ZFR2: variants seen among roughly 807,000 people sequenced by gnomAD.
ZFR2 encodes the protein zinc finger RNA-binding protein 2.
A neutral mutation model predicts 105.7 loss-of-function variants in ZFR2; 104 were observed. The ratio of observed to expected loss-of-function variants is 0.98; its 90% CI spans 0.84 to 1.16. The LOEUF (loss-of-function observed/expected upper bound fraction) is 1.16, where lower values mean the gene tolerates loss of function less well. Among genes scored for constraint, ZFR2 ranks in the 50% most tolerant of loss-of-function variants. ZFR2 has a pLI of 0.00. For missense variants in ZFR2, 1,425 were observed against 1,355.5 expected, an observed-to-expected ratio of 1.05 and a Z score of -0.80; for synonymous variants, 634 against 597.7, an observed-to-expected ratio of 1.06 and a Z score of -0.89.
chr19:3,857,984 C>T lies in ZFR2; in HGVS notation c.53+10981G>A, dbSNP rs544265387. Among the ~76,000 whole-genome samples the T allele has an allele frequency of 3.3e-5, 5 of 152,336 alleles. No individual in the cohort carries two copies. The South Asian group carries it at 8.3e-4, about 25-fold the overall frequency. On this transcript the variant is annotated intron_variant, in intron 1 of 18. Coordinates refer to ENST00000262961, the MANE Select transcript of ZFR2 (RefSeq NM_015174.2). ...GTCTACAAGTCCTGCCCGGCACTCC[C>T]ACCTTCAGGCCCCAGGCTAATGTCT...
intron 12 of ZFR2, among the ~76,000 whole-genome samples, chr19:3,817,963 G>A (rs1430025323): frequency 6.6e-6 from 1 of 152,150 alleles, no homozygotes; most frequent in Admixed American, 6.5e-5. Flanking sequence ...GTCCAGCACA[G>A]GCCAATCCAC....
chr19:3,832,347 G>T (rs1470408079), intron 3 of ZFR2, among the ~76,000 whole-genome samples: 4 of 151,128 alleles, frequency 2.6e-5, no homozygotes, highest in African/African-American at 9.7e-5. Context: ...TTTTGAGTCG[G>T]AGTCTTGCTT....
Position 3,831,352 on chromosome 19 carries a change from A to G in ZFR2, c.803T>C (p.Leu268Pro). Residue 268 changes from leucine (L) to proline (P), a missense_variant, in exon 5 of 19, where the codon CTC becomes CCC. Coordinates refer to ENST00000262961, the MANE Select transcript of ZFR2 (RefSeq NM_015174.2). ...GCAGATGTCGCAGTAGTGAAGCTGG[A>G]GCTGCCTGGGCCCCGCCTTGGGTCT... ...LPRPKAGPRQ[L>P]QLHYCDICKI... 6.4e-7 allele frequency: 1 copy of G among 1,557,812 alleles called. No homozygotes were observed. The highest frequency in any genetic ancestry group is 1.2e-5 in the South Asian group (1 of 84,746).
In ZFR2 at chr19:3,813,871, T is replaced by G; in HGVS notation, c.2191A>C (p.Thr731Pro). 6.2e-7 allele frequency: 1 copy of G among 1,613,900 alleles called. No individual in the cohort carries two copies. Among genetic ancestry groups the G allele is most frequent in the East Asian group, 2.2e-5 (1 of 44,876 alleles). Residue 731 changes from threonine (T) to proline (P), a missense_variant, in exon 14 of 19, where the codon ACC becomes CCC. Thr to Pro is a conservative substitution (Grantham distance 38, BLOSUM62 -1). Transcript: ENST00000262961. The surrounding 1 kb of genome is among the most constrained non-coding windows in gnomAD (Gnocchi z 4.4). ...ATCAGAGGTGAGGTGACAGATATGG[T>G]GACCTGCATCCTGGGCTCCTCACAG... is the stretch of plus-strand genomic sequence containing the variant. ...SSCEEPRMQV[T>P]ISVTSPLMRE...
chr19:3,844,760 A>G (rs752829389), intron 1 of ZFR2, among the ~76,000 whole-genome samples: 12 of 152,180 alleles, frequency 7.9e-5, no homozygotes, highest in Non-Finnish European at 8.8e-5. Flanking sequence ...TGAATCCTTT[A>G]GATGAGTCAG....
At chr19:3,833,373 G>T (rs549597742) in intron 3 of ZFR2, among the ~76,000 whole-genome samples, 13 of 152,074 alleles carry the variant, frequency 8.5e-5, no homozygotes, top group African/African-American at 2.9e-4. Context: ...TCAGGAGATG[G>T]AGACCATCCT....
chr19:3,820,304 A>C lies in ZFR2; in HGVS notation c.1632-14T>G, dbSNP rs931950766. On this transcript the variant is annotated splice_polypyrimidine_tract_variant and intron_variant, in intron 10 of 18. Transcript: ENST00000262961. ...TCCTCCAGCCGCCTGCAGGACCGAG[A>C]CGTGACAGAGCATGGTCAGGCCAGC... 10 of 1,539,930 alleles carry C rather than the reference A, an allele frequency of 6.5e-6. No homozygotes were observed. In the African/African-American group the frequency reaches 1.4e-4, roughly 21 times the overall value.
In ZFR2 at chr19:3,819,218, C is replaced by T. The variant is rs769565212; in HGVS notation, c.1758G>A (p.Ala586=). The T allele has an allele frequency of 3.9e-5, 60 of 1,547,078 alleles. 1 individual carries two copies. Among genetic ancestry groups the T allele is most frequent in the Middle Eastern group, 4.1e-4 (2 of 4,898 alleles). ...ACATGACGTGCCGGTCGTCGCTGGA[C>T]GCCGGCCGCCGCCCGGGCTGTGGGG... ...SAPLQPGRRP[A]SSDDRHVMCK... Residue 586 remains alanine (A), a synonymous_variant, in exon 12 of 19, where the codon GCG becomes GCA. Coordinates refer to ENST00000262961, the MANE Select transcript of ZFR2 (RefSeq NM_015174.2).
At chr19:3,833,365 A>G (rs1263789350) in intron 3 of ZFR2, among the ~76,000 whole-genome samples, 2 of 152,196 alleles carry the variant, frequency 1.3e-5, no homozygotes, top group East Asian at 3.9e-4. Context: ...TCACGAGGTC[A>G]GGAGATGGAG....
chr19:3,806,040 C>G lies in ZFR2; in HGVS notation c.2729G>C (p.Arg910Pro), dbSNP rs1460771485. ...AGGTCCCCGTTGCCTCTTCCGGAAG[C>G]GGGCCCCCAGCCGGTGTCTGGGCGG... ...LLPPRHRLGA[R>P]FRKRQRGPGE... The change falls in exon 19 of 19, where the codon CGC (arginine) becomes CCC (proline). Residue 910 changes from arginine to proline, a missense_variant. By Grantham distance (103) the Arg-to-Pro change is moderately radical. Transcript: ENST00000262961. 6.5e-7 allele frequency: 1 copy of G among 1,539,512 alleles called. No homozygotes were observed. Among genetic ancestry groups the G allele is most frequent in the Non-Finnish European group, 8.7e-7 (1 of 1,143,748 alleles).
chr19:3,819,118 C>A lies in ZFR2; in HGVS notation c.1858G>T (p.Ala620Ser). The change falls in exon 12 of 19, where the codon GCC (alanine) becomes TCC (serine). Residue 620 changes from alanine (A) to serine (S), a missense_variant. Physicochemically the swap from Ala to Ser is moderately conservative, Grantham distance 99 (BLOSUM62 1). Transcript: ENST00000262961. ...AGTGTGTCGGACACCAGCTTGAGGG[C>A]CCGCTCTGCGTGGGACACGGCCCTC... ...VQRAVSHAERALKLVSDTLAE... is the reference protein window; with the variant it reads ...VQRAVSHAERSLKLVSDTLAE... The A allele has an allele frequency of 1.2e-6, 2 of 1,611,798 alleles. No homozygotes were observed. Among genetic ancestry groups the A allele is most frequent in the African/African-American group, 1.3e-5 (1 of 75,056 alleles).
intron 7 of ZFR2, 87 bp downstream of exon 7, chr19:3,825,143 C>T (rs1178990016): frequency 6.5e-6 from 9 of 1,374,080 alleles, no homozygotes; most frequent in African/African-American, 3.0e-5. Flanking sequence ...TGACGAAAAT[C>T]GACTGGATGG....
intron 17 of ZFR2, among the ~76,000 whole-genome samples, chr19:3,808,474 G>T (rs139568223): frequency 1.3e-5 from 2 of 152,132 alleles, no homozygotes; most frequent in African/African-American, 4.8e-5. Context: ...GCAGCTCTGC[G>T]CCCTCTGTCC....
At chr19:3,809,991 C>T (rs10414117) in intron 16 of ZFR2, among the ~76,000 whole-genome samples, 10,994 of 152,154 alleles carry the variant, frequency 0.072, 1,193 homozygotes, top group African/African-American at 0.24. Context: ...TAATCTCTAC[C>T]AAACCAAACA....
chr19:3,808,246 C>G (rs1472026944), intron 17 of ZFR2, among the ~76,000 whole-genome samples: 1 of 151,918 alleles, frequency 6.6e-6, no homozygotes, highest in Non-Finnish European at 1.5e-5. Flanking sequence ...CCCGTGTGTG[C>G]AAGTATGTGC....
Position 3,834,667 on chromosome 19 carries a change from G to C in ZFR2, c.264+106C>G. On this transcript the variant is annotated intron_variant, in intron 2 of 18. Transcript: ENST00000262961. The surrounding 1 kb of genome is among the most constrained non-coding windows in gnomAD (Gnocchi z 5.3). Reference sequence around the variant, plus strand: ...GAAGGGTCCCGAAGGAAGGATCACGGTTAAGAGGCCTGGGAGAAGGAGTAG... The same window carrying C: ...GAAGGGTCCCGAAGGAAGGATCACGCTTAAGAGGCCTGGGAGAAGGAGTAG... 1.6e-6 allele frequency: 2 copies of C among 1,233,184 alleles called. No homozygotes were observed. The highest frequency in any genetic ancestry group is 1.5e-5 in the African/African-American group (1 of 67,376). The allele number at this position is 1,233,184 out of a possible 1,614,324, so 76.4% of individuals were successfully genotyped here.
chr19:3,812,831 C>T (rs942939275), intron 14 of ZFR2, among the ~76,000 whole-genome samples: 49 of 152,316 alleles, frequency 3.2e-4, no homozygotes, highest in African/African-American at 1.1e-3. Flanking sequence ...GTAATCCCAG[C>T]ACTTTGGGAG....
At chr19:3,841,543 C>T (rs960812756) in intron 1 of ZFR2, among the ~76,000 whole-genome samples, 5 of 151,786 alleles carry the variant, frequency 3.3e-5, no homozygotes, top group Admixed American at 6.6e-5. Flanking sequence ...AAAAATTAGC[C>T]GGGTGTGGTG....
chr19:3,820,034 T>C, intron 11 of ZFR2, 148 bp downstream of exon 11: 1 of 743,326 alleles, frequency 1.3e-6, no homozygotes, highest in East Asian at 2.8e-5. Context: ...GGCTCCCATC[T>C]GTGGAGTGAG....
Sources: gnomAD v4.1 joint callset for allele counts (sites outside exome capture counted in the v4.1 genomes callset) on GRCh38, gnomAD v4.1.1 for gene constraint, Gnocchi (gnomAD v3.1) non-coding constraint, MANE v1.5 for transcripts, NCBI Gene and HGNC (gene_info 2026-07-23, HGNC 2026-07-21) for gene names.